CNTN5: variants seen among roughly 807,000 people sequenced by gnomAD.
The protein encoded by CNTN5 is contactin-5.
Under a neutral mutation model 129.1 loss-of-function variants are expected in CNTN5, and 77 were observed. That is an observed-to-expected ratio of 0.60 (90% CI 0.50 to 0.72). CNTN5 has a LOEUF of 0.72. CNTN5 is among the 30% of genes least tolerant of loss of function. CNTN5 has a pLI of 0.00. For missense variants in CNTN5, 1,478 were observed against 1,328.8 expected, an observed-to-expected ratio of 1.11 and a Z score of -1.75; for synonymous variants, 509 against 465.6, an observed-to-expected ratio of 1.09 and a Z score of -1.20.
At chr11:99,945,621 C>T (rs535625345) in intron 7 of CNTN5, among the ~76,000 whole-genome samples, 14 of 151,696 alleles carry the variant, frequency 9.2e-5, no homozygotes, top group Non-Finnish European at 1.9e-4. Flanking sequence ...AAAATCCTAC[C>T]CGCTCAGTGT....
At chr11:99,705,098 A>G (rs369217899) in intron 3 of CNTN5, among the ~76,000 whole-genome samples, 14 of 151,344 alleles carry the variant, frequency 9.3e-5, no homozygotes, top group African/African-American at 3.1e-4. Context: ...GGCTTCATTA[A>G]CTGCCCACTT....
chr11:99,771,391 T>C (rs1433990544), intron 3 of CNTN5, among the ~76,000 whole-genome samples: 1 of 152,056 alleles, frequency 6.6e-6, no homozygotes, highest in East Asian at 1.9e-4. Flanking sequence ...TACATACATA[T>C]ACACACATAT....
chr11:99,355,673 C>G (rs1002502590), intron 2 of CNTN5, among the ~76,000 whole-genome samples: 1 of 152,102 alleles, frequency 6.6e-6, no homozygotes, highest in Non-Finnish European at 1.5e-5. Context: ...TCTTCAATGA[C>G]TTAGTATCTT....
intron 1 of CNTN5, among the ~76,000 whole-genome samples, chr11:99,037,778 C>G (rs1863817501): frequency 6.6e-6 from 1 of 151,562 alleles, no homozygotes; most frequent in South Asian, 2.1e-4. Context: ...CGGGGTTTCA[C>G]CATCTTGGCC....
chr11:99,339,121 A>G (rs1296608235), intron 2 of CNTN5, among the ~76,000 whole-genome samples: 1 of 151,552 alleles, frequency 6.6e-6, no homozygotes, highest in African/African-American at 2.4e-5. Context: ...TTGCATGCCT[A>G]TATTACAACA....
intron 1 of CNTN5, among the ~76,000 whole-genome samples, chr11:99,086,804 C>T (rs2186837): frequency 0.19 from 28,457 of 151,988 alleles, 3,629 homozygotes; most frequent in East Asian, 0.35. Flanking sequence ...ACTGGTCCAG[C>T]TAAATAATGG....
intron 3 of CNTN5, among the ~76,000 whole-genome samples, chr11:99,685,389 G>T (rs1953746487): frequency 6.6e-6 from 1 of 151,678 alleles, no homozygotes; most frequent in African/African-American, 2.4e-5. Flanking sequence ...TCATATTGTT[G>T]AAATATGCTG....
chr11:99,137,730 T>C (rs1299760197), intron 1 of CNTN5, among the ~76,000 whole-genome samples: 1 of 152,176 alleles, frequency 6.6e-6, no homozygotes, highest in African/African-American at 2.4e-5. Context: ...CAAAGTGCTC[T>C]GGTGTCTGCC....
intron 1 of CNTN5, among the ~76,000 whole-genome samples, chr11:99,160,635 C>T (rs1327865366): frequency 2.0e-5 from 3 of 152,246 alleles, no homozygotes; most frequent in Non-Finnish European, 4.4e-5. Context: ...TCTGAAACCC[C>T]AACAGTGCAG....
chr11:99,911,586 G>A (rs1252928382), intron 6 of CNTN5, among the ~76,000 whole-genome samples: 5 of 151,738 alleles, frequency 3.3e-5, no homozygotes, highest in Admixed American at 6.6e-5. Context: ...AATCTCTTAT[G>A]TACTATCTCT....
intron 3 of CNTN5, among the ~76,000 whole-genome samples, chr11:99,747,891 ATATC>A (rs904507402): frequency 6.6e-6 from 1 of 152,142 alleles, no homozygotes; most frequent in African/African-American, 2.4e-5. Flanking sequence ...TTTCTTCTCT[ATATC>A]TAATTGTTTG....
chr11:99,440,802 T>A (rs375494394), intron 2 of CNTN5, among the ~76,000 whole-genome samples: 17 of 152,280 alleles, frequency 1.1e-4, no homozygotes, highest in African/African-American at 4.1e-4. Flanking sequence ...GAAGTCATAT[T>A]CTGTTGGTGA....
At chr11:99,773,737 G>C (rs1012975619) in intron 3 of CNTN5, among the ~76,000 whole-genome samples, 4 of 152,036 alleles carry the variant, frequency 2.6e-5, no homozygotes, top group Non-Finnish European at 5.9e-5. Flanking sequence ...GTTGCTATCT[G>C]AGTATGATTT....
intron 2 of CNTN5, among the ~76,000 whole-genome samples, chr11:99,443,813 G>C (rs1943939802): frequency 6.6e-6 from 1 of 152,120 alleles, no homozygotes; most frequent in Non-Finnish European, 1.5e-5. Flanking sequence ...GAAACAGATA[G>C]GAATGCCAGT....
chr11:99,404,297 T>A (rs1026178222), intron 2 of CNTN5, among the ~76,000 whole-genome samples: 2 of 151,976 alleles, frequency 1.3e-5, no homozygotes, highest in Admixed American at 6.6e-5. Flanking sequence ...GGTTTTTTTT[T>A]TTCTTTATTC....
chr11:99,253,481 G>A (rs1367043544), intron 1 of CNTN5, among the ~76,000 whole-genome samples: 1 of 151,970 alleles, frequency 6.6e-6, no homozygotes, highest in Non-Finnish European at 1.5e-5. Flanking sequence ...TTTTTTAAGA[G>A]TGTTTGACTC....
At chr11:100,147,883 C>T (rs1036307453) in intron 13 of CNTN5, among the ~76,000 whole-genome samples, 1 of 152,034 alleles carries the variant, frequency 6.6e-6, no homozygotes, top group Non-Finnish European at 1.5e-5. Flanking sequence ...ATGACATTTA[C>T]GTCTTCATTT....
intron 15 of CNTN5, among the ~76,000 whole-genome samples, chr11:100,222,437 T>G (rs1397880892): frequency 6.6e-6 from 1 of 152,076 alleles, no homozygotes. Flanking sequence ...TGTAATTCCA[T>G]GGAAACAAAC....
chr11:99,635,823 C>A (rs1051247947), intron 3 of CNTN5, among the ~76,000 whole-genome samples: 11 of 152,042 alleles, frequency 7.2e-5, no homozygotes, highest in African/African-American at 2.7e-4. Flanking sequence ...GGGTTCACAG[C>A]TTTCAGTTTA....
Sources: allele counts gnomAD v4.1 joint callset (sites outside exome capture counted in the v4.1 genomes callset), GRCh38; gene constraint gnomAD v4.1.1; transcripts MANE v1.5; gene names NCBI Gene and HGNC (gene_info 2026-07-23, HGNC 2026-07-21).